PPM1B: variants seen among roughly 807,000 people sequenced by gnomAD.
The protein encoded by PPM1B is protein phosphatase, Mg2+/Mn2+ dependent 1B.
Under a neutral mutation model 43.0 loss-of-function variants are expected in PPM1B, and 22 were observed. The observed-to-expected ratio is 0.51, with a 90% CI of 0.37 to 0.73. The LOEUF (loss-of-function observed/expected upper bound fraction) is 0.73. PPM1B is among the 30% of genes least tolerant of loss of function. PPM1B has a pLI of 0.00. For synonymous variants in PPM1B, 217 were observed against 197.9 expected, an observed-to-expected ratio of 1.10 and a Z score of -0.81; for missense variants, 632 against 584.2, an observed-to-expected ratio of 1.08 and a Z score of -0.84.
chr2:44,211,312 C>T (rs1384761565), intron 3 of PPM1B, among the ~76,000 whole-genome samples: 1 of 152,074 alleles, frequency 6.6e-6, no homozygotes, highest in Non-Finnish European at 1.5e-5. Flanking sequence ...GGAAAAAGTT[C>T]CATAGTCTTT....
intron 1 of PPM1B, among the ~76,000 whole-genome samples, chr2:44,197,995 A>C (rs1668742283): frequency 6.6e-6 from 1 of 152,040 alleles, no homozygotes; most frequent in Non-Finnish European, 1.5e-5. Flanking sequence ...AGCATCCCTA[A>C]CACCACCGCA....
chr2:44,236,347 G>A (rs1005226063), downstream of PPM1B, among the ~76,000 whole-genome samples: 2 of 139,186 alleles, frequency 1.4e-5, no homozygotes, highest in Non-Finnish European at 3.0e-5. Flanking sequence ...AGATTGCAGT[G>A]AGCCGAGATC....
chr2:44,221,611 T>C (rs191853875), intron 5 of PPM1B, among the ~76,000 whole-genome samples: 109 of 152,304 alleles, frequency 7.2e-4, no homozygotes, highest in East Asian at 2.3e-3. Flanking sequence ...AAATTATTTT[T>C]GTTTAGATAT....
At chr2:44,232,564 C>T, downstream of PPM1B, 3 of 1,390,076 alleles carry the variant, frequency 2.2e-6, no homozygotes, top group African/African-American at 1.5e-5. Flanking sequence ...TTTTGCCAAC[C>T]TCAGGCATAC....
chr2:44,204,126 T>A (rs995486968), intron 2 of PPM1B, among the ~76,000 whole-genome samples: 1 of 152,234 alleles, frequency 6.6e-6, no homozygotes, highest in East Asian at 1.9e-4. Context: ...TGCATTCAAA[T>A]TGAAATCAGT....
chr2:44,224,316 G>A lies in PPM1B; in HGVS notation c.1134+5779G>A, dbSNP rs967976486. Among the ~76,000 whole-genome samples the A allele has an allele frequency of 3.9e-5, 6 of 152,062 alleles. No individual in the cohort carries two copies. The East Asian group carries it at 7.7e-4, about 20-fold the overall frequency. On this transcript the variant is annotated intron_variant, in intron 5 of 5. Transcript: ENST00000282412. ...TAAAAATACAAAAAATTAGCCGGGC[G>A]TGGTGGCGGGCGCCTGTAGTCCCAG...
chr2:44,203,519 G>A (rs1669034750), intron 2 of PPM1B, among the ~76,000 whole-genome samples: 1 of 152,034 alleles, frequency 6.6e-6, no homozygotes, highest in Non-Finnish European at 1.5e-5. Flanking sequence ...TCCAGATGAT[G>A]AAGAAAATAT....
downstream of PPM1B, among the ~76,000 whole-genome samples, chr2:44,238,963 G>A (rs1345624236): frequency 2.6e-5 from 4 of 151,740 alleles, no homozygotes; most frequent in Admixed American, 2.6e-4. Context: ...AATCCTAACT[G>A]AAAAAAGGAG....
chr2:44,234,229 A>G, downstream of PPM1B: 1 of 982,862 alleles, frequency 1.0e-6, no homozygotes, highest in Non-Finnish European at 1.2e-6. Context: ...TTTTAAAAAA[A>G]CCTGCCTTTG....
rs775725278 is a variant in PPM1B at position 44,201,461 on chromosome 2, G to T, written c.262G>T (p.Ala88Ser). 1.9e-6 allele frequency: 3 copies of T among 1,614,230 alleles called. No individual in the cohort carries two copies. The South Asian group carries it at 3.3e-5, about 18-fold the overall frequency. The change falls in exon 2 of 6, where the codon GCT becomes TCT. Residue 88 changes from alanine to serine, a missense_variant. By Grantham distance (99) the Ala-to-Ser change is moderately conservative (BLOSUM62 1). Coordinates refer to ENST00000282412, the MANE Select transcript of PPM1B (RefSeq NM_002706.6). This position sits in a 1 kb window ranked among gnomAD's most constrained non-coding sequence, Gnocchi z 5.4. ...CACTACTAACGAAGACTTTAGGGCA[G>T]CTGGAAAATCAGGATCTGCTCTTGA... ...HITTNEDFRA[A>S]GKSGSALELS...
intron 1 of PPM1B, among the ~76,000 whole-genome samples, chr2:44,182,642 C>G (rs1009813448): frequency 1.3e-5 from 2 of 151,980 alleles, no homozygotes; most frequent in African/African-American, 4.8e-5. Flanking sequence ...TCTTTTTTTA[C>G]TTTTCTCTTT....
chr2:44,221,055 A>G (rs1669957535), intron 5 of PPM1B, among the ~76,000 whole-genome samples: 1 of 152,234 alleles, frequency 6.6e-6, no homozygotes, highest in South Asian at 2.1e-4. Flanking sequence ...TGTTTAGAGC[A>G]TAAGAATGAT....
chr2:44,174,889 C>T (rs1667508849), intron 1 of PPM1B, among the ~76,000 whole-genome samples: 1 of 152,170 alleles, frequency 6.6e-6, no homozygotes, highest in Non-Finnish European at 1.5e-5. Context: ...CTTGTTCTGA[C>T]TAAAGCATTT....
At chr2:44,237,797 C>T (rs1389749454), downstream of PPM1B, among the ~76,000 whole-genome samples, 1 of 152,160 alleles carries the variant, frequency 6.6e-6, no homozygotes, top group Non-Finnish European at 1.5e-5. Context: ...GGTCTGATAC[C>T]TTCTTTCCCT....
chr2:44,232,512 T>C, downstream of PPM1B: 1 of 1,467,592 alleles, frequency 6.8e-7, no homozygotes, highest in African/African-American at 1.4e-5. Context: ...ATTTGTGTTT[T>C]CTGACAGTTG....
At chr2:44,182,431 T>G (rs981401534) in intron 1 of PPM1B, among the ~76,000 whole-genome samples, 1 of 152,054 alleles carries the variant, frequency 6.6e-6, no homozygotes. Context: ...GGCTAATTTT[T>G]TGTATTTTTA....
chr2:44,245,581 T>C (rs1489420836), downstream of PPM1B, among the ~76,000 whole-genome samples: 1 of 152,238 alleles, frequency 6.6e-6, no homozygotes, highest in African/African-American at 2.4e-5. Context: ...TTCTGTACAA[T>C]GACTAGAGAG....
At chr2:44,227,020 C>T (rs190564326) in intron 5 of PPM1B, among the ~76,000 whole-genome samples, 1 of 151,690 alleles carries the variant, frequency 6.6e-6, no homozygotes, top group African/African-American at 2.4e-5. Flanking sequence ...ATTGCCCAGG[C>T]TGGAGTGTAG....
chr2:44,231,358 G>T lies in PPM1B; in HGVS notation c.*640G>T. Reference sequence around the variant, plus strand: ...CCTATGTATTATTCATACAGCTTTGGTTTGTATATTCTGTATAGCCTAACT... The same window carrying T: ...CCTATGTATTATTCATACAGCTTTGTTTTGTATATTCTGTATAGCCTAACT... On this transcript the variant is annotated 3_prime_UTR_variant, in exon 6 of 6. Transcript: ENST00000282412. 1 of 976,954 alleles carries T rather than the reference G, an allele frequency of 1.0e-6. No individual in the cohort carries two copies. Among genetic ancestry groups the T allele is most frequent in the Non-Finnish European group, 1.2e-6 (1 of 822,448 alleles). The allele number at this position is 976,954 out of a possible 1,614,324, so 60.5% of individuals were successfully genotyped here.
Sources: gnomAD v4.1 joint callset for allele counts (sites outside exome capture counted in the v4.1 genomes callset) on GRCh38, gnomAD v4.1.1 for gene constraint, Gnocchi (gnomAD v3.1) non-coding constraint, MANE v1.5 for transcripts, NCBI Gene and HGNC (gene_info 2026-07-23, HGNC 2026-07-21) for gene names.